AOPEP: variants seen among roughly 807,000 people sequenced by gnomAD.
AOPEP encodes the protein aminopeptidase O.
Under a neutral mutation model 98.1 loss-of-function variants are expected in AOPEP, and 77 were observed. The observed-to-expected ratio is 0.78, with a 90% CI of 0.65 to 0.95. AOPEP has a LOEUF of 0.95. AOPEP is among the 40% of genes least tolerant of loss of function. The pLI, the probability that AOPEP is intolerant of heterozygous loss-of-function variation, is 0.00. For synonymous variants in AOPEP, 346 were observed against 365.3 expected (o/e 0.95, Z 0.60); for missense variants, 1,024 against 1,024.7 (o/e 1.00, Z 0.01).
At chr9:95,082,768 C>T (rs1026833744) in intron 16 of AOPEP, 49 bp downstream of exon 16, 1 of 1,592,188 alleles carries the variant, frequency 6.3e-7, no homozygotes. Flanking sequence ...CCAGATACTC[C>T]TTTTAGGAGC....
At chr9:95,111,517 G>C in the AOPEP span, 4 of 1,614,148 alleles carry the variant, frequency 2.5e-6, no homozygotes, top group Non-Finnish European at 2.5e-6. Context: ...AGAAGGCCAA[G>C]AGCCACAGCA....
the AOPEP span, among the ~76,000 whole-genome samples, chr9:95,126,338 C>T: frequency 6.6e-6 from 1 of 152,178 alleles, no homozygotes; most frequent in Non-Finnish European, 1.5e-5. Context: ...TTCTTAGGCA[C>T]TGGCCTTTAA....
chr9:94,940,221 G>C (rs1348773613), intron 7 of AOPEP, among the ~76,000 whole-genome samples: 9 of 152,212 alleles, frequency 5.9e-5, no homozygotes, highest in African/African-American at 2.2e-4. Context: ...AGGTGGATGT[G>C]AGGAATAAAT....
the AOPEP span, among the ~76,000 whole-genome samples, chr9:95,139,530 G>A: frequency 1.2e-4 from 18 of 152,202 alleles, no homozygotes; most frequent in African/African-American, 2.6e-4. Context: ...CGGGGATGGC[G>A]GAACAGAGTG....
At chr9:95,146,362 C>T in the AOPEP span, among the ~76,000 whole-genome samples, 5 of 151,790 alleles carry the variant, frequency 3.3e-5, no homozygotes, top group South Asian at 8.3e-4. Context: ...GTAGCACACA[C>T]CTGTGGTCCC....
chr9:94,846,185 C>T (rs2042843505), intron 5 of AOPEP, among the ~76,000 whole-genome samples: 1 of 151,796 alleles, frequency 6.6e-6, no homozygotes, highest in East Asian at 1.9e-4. Flanking sequence ...TCTGAATTTG[C>T]GGAGCCTTCA....
chr9:95,065,209 T>C (rs2067751499), intron 14 of AOPEP: 1 of 152,272 alleles, frequency 6.6e-6, no homozygotes, highest in South Asian at 2.1e-4. Flanking sequence ...TTTATTAATA[T>C]GTAGTGTGCT....
At chr9:95,090,377 T>A (rs984070616), downstream of AOPEP, among the ~76,000 whole-genome samples, 8 of 152,240 alleles carry the variant, frequency 5.3e-5, no homozygotes, top group African/African-American at 1.9e-4. Flanking sequence ...GGCAGCCCAG[T>A]GCAGGGCACT....
intron 16 of AOPEP, among the ~76,000 whole-genome samples, chr9:95,083,770 G>C (rs1434368088): frequency 2.0e-5 from 3 of 152,232 alleles, no homozygotes; most frequent in Non-Finnish European, 4.4e-5. Context: ...AGCACACGTG[G>C]CATATGGCCT....
chr9:94,838,318 A>G (rs568112076), intron 5 of AOPEP, among the ~76,000 whole-genome samples: 2 of 152,314 alleles, frequency 1.3e-5, no homozygotes, highest in Non-Finnish European at 2.9e-5. Context: ...AAAAAACCCA[A>G]TAATGTTTTA....
At chr9:95,030,965 T>C (rs980476735) in intron 13 of AOPEP, among the ~76,000 whole-genome samples, 9 of 152,248 alleles carry the variant, frequency 5.9e-5, no homozygotes, top group African/African-American at 2.2e-4. Context: ...CAAAGTAGCA[T>C]AATCAAATCC....
At chr9:94,764,190 C>G (rs1300892352) in intron 2 of AOPEP, among the ~76,000 whole-genome samples, 4 of 152,192 alleles carry the variant, frequency 2.6e-5, no homozygotes, top group Non-Finnish European at 5.9e-5. Context: ...CGCAAAAGCT[C>G]TTAACTCCAA....
At chr9:94,839,047 A>G (rs1485260892) in intron 5 of AOPEP, among the ~76,000 whole-genome samples, 21 of 147,266 alleles carry the variant, frequency 1.4e-4, no homozygotes, top group African/African-American at 5.1e-5. Flanking sequence ...AGTAGGTGGG[A>G]CTACAGGCGT....
intron 5 of AOPEP, among the ~76,000 whole-genome samples, chr9:94,906,412 G>A (rs2051140243): frequency 6.6e-6 from 1 of 151,472 alleles, no homozygotes; most frequent in Non-Finnish European, 1.5e-5. Flanking sequence ...GCAGCAGTGA[G>A]CCACTGTACT....
the AOPEP span, among the ~76,000 whole-genome samples, chr9:95,137,289 TG>T: frequency 6.6e-6 from 1 of 152,216 alleles, no homozygotes; most frequent in East Asian, 1.9e-4. Context: ...CTGCAGACCT[TG>T]TCCAGGGTTG....
intron 5 of AOPEP, among the ~76,000 whole-genome samples, chr9:94,850,558 A>G (rs7035166): frequency 0.83 from 126,300 of 152,168 alleles, 54,686 homozygotes; most frequent in Non-Finnish European, 0.94. Flanking sequence ...TGAAGCCCAT[A>G]TACTCAGTTG....
At chr9:94,875,859 G>A (rs913949812) in intron 5 of AOPEP, among the ~76,000 whole-genome samples, 1 of 152,214 alleles carries the variant, frequency 6.6e-6, no homozygotes, top group African/African-American at 2.4e-5. Flanking sequence ...AGATGACAAT[G>A]TGAAACTAGC....
intron 2 of AOPEP, among the ~76,000 whole-genome samples, chr9:94,771,777 A>C (rs1474823875): frequency 6.6e-6 from 1 of 151,770 alleles, no homozygotes; most frequent in Non-Finnish European, 1.5e-5. Flanking sequence ...CTGCCAGATG[A>C]CTCCTGCCTC....
chr9:94,961,057 G>GAATTA (rs1410694684), intron 9 of AOPEP, among the ~76,000 whole-genome samples: 1 of 147,906 alleles, frequency 6.8e-6, no homozygotes, highest in East Asian at 2.0e-4. Context: ...CTTTATATTT[G>GAATTA]AATTATAAAC....
Sources: gnomAD v4.1 joint callset for allele counts (sites outside exome capture counted in the v4.1 genomes callset) on GRCh38, gnomAD v4.1.1 for gene constraint, MANE v1.5 for transcripts, NCBI Gene and HGNC (gene_info 2026-07-23, HGNC 2026-07-21) for gene names.